The following RALYL variants were observed in gnomAD, a reference collection of about 807,000 sequenced individuals.
RALYL encodes RALY RNA binding protein like.
In RALYL, 29 loss-of-function variants were observed where a neutral mutation model predicts 35.1. That is an observed-to-expected ratio of 0.83 (90% confidence interval 0.61 to 1.13). RALYL has a LOEUF of 1.13. Among genes scored for constraint, RALYL ranks in the 50% most tolerant of loss-of-function variants. RALYL has a pLI of 0.00. For missense variants in RALYL, 359 were observed against 360.4 expected (o/e 1.00, Z 0.03); for synonymous variants, 120 against 127.6 (o/e 0.94, Z 0.40).
intron 1 of RALYL, among the ~76,000 whole-genome samples, chr8:84,390,782 A>T (rs1024310082): frequency 2.6e-5 from 4 of 151,912 alleles, no homozygotes; most frequent in Non-Finnish European, 5.9e-5. Flanking sequence ...GAGCCCATGG[A>T]AACGCAGGCA....
chr8:84,335,332 A>C (rs75806652), intron 1 of RALYL, among the ~76,000 whole-genome samples: 2 of 152,228 alleles, frequency 1.3e-5, no homozygotes, highest in African/African-American at 4.8e-5. Flanking sequence ...AAGCTGTCTC[A>C]GTCCATCAGC....
intron 1 of RALYL, among the ~76,000 whole-genome samples, chr8:84,432,556 G>T (rs1318545272): frequency 6.6e-6 from 1 of 152,116 alleles, no homozygotes; most frequent in East Asian, 1.9e-4. Context: ...GGGTTGAATT[G>T]TGTCCCCCAG....
intron 1 of RALYL, among the ~76,000 whole-genome samples, chr8:84,393,249 C>T (rs1445866496): frequency 7.9e-5 from 12 of 151,994 alleles, no homozygotes; most frequent in Admixed American, 7.9e-4. Flanking sequence ...AGGATCCGCT[C>T]CCACGCTCAC....
chr8:84,841,230 A>G (rs904608992), intron 4 of RALYL, among the ~76,000 whole-genome samples: 22 of 152,130 alleles, frequency 1.4e-4, no homozygotes, highest in Non-Finnish European at 2.5e-4. Flanking sequence ...CCCATCTCAC[A>G]TGCAGAGGCA....
intron 2 of RALYL, among the ~76,000 whole-genome samples, chr8:84,565,217 A>G (rs1436132160): frequency 1.3e-5 from 2 of 151,634 alleles, no homozygotes; most frequent in Non-Finnish European, 3.0e-5. Flanking sequence ...ATTAGCTAAT[A>G]CTATTTGAGT....
At chr8:84,581,289 A>G (rs1280498379) in intron 2 of RALYL, among the ~76,000 whole-genome samples, 1 of 152,186 alleles carries the variant, frequency 6.6e-6, no homozygotes, top group Non-Finnish European at 1.5e-5. Flanking sequence ...ATTTTAGAAC[A>G]TGTTTTACAA....
At chr8:84,593,561 T>C (rs1311104612) in intron 2 of RALYL, among the ~76,000 whole-genome samples, 1 of 152,112 alleles carries the variant, frequency 6.6e-6, no homozygotes, top group Non-Finnish European at 1.5e-5. Flanking sequence ...TTATAACATG[T>C]AGCCATGTGC....
At chr8:84,893,643 T>C (rs982354967) in intron 8 of RALYL, among the ~76,000 whole-genome samples, 15 of 152,166 alleles carry the variant, frequency 9.9e-5, no homozygotes, top group African/African-American at 3.6e-4. Flanking sequence ...TTGGTCAACT[T>C]ACACTCAATA....
chr8:84,669,474 T>TCC (rs1278810401), intron 2 of RALYL, among the ~76,000 whole-genome samples: 1 of 30,964 alleles, frequency 3.2e-5, no homozygotes, highest in Non-Finnish European at 7.3e-5. Flanking sequence ...GCCCACATCT[T>TCC]CTCCCTCCCC....
At chr8:84,677,227 T>A (rs146382849) in intron 2 of RALYL, among the ~76,000 whole-genome samples, 85 of 152,338 alleles carry the variant, frequency 5.6e-4, no homozygotes, top group Middle Eastern at 3.4e-3. Flanking sequence ...GTTGTCAATG[T>A]CCCAGATAAA....
At chr8:84,642,391 C>G (rs1826562607) in intron 2 of RALYL, among the ~76,000 whole-genome samples, 1 of 151,656 alleles carries the variant, frequency 6.6e-6, no homozygotes, top group African/African-American at 2.4e-5. Flanking sequence ...ACTCTTTTAC[C>G]TTTTTTTTCC....
chr8:84,266,251 T>A (rs1263351964), intron 1 of RALYL, among the ~76,000 whole-genome samples: 3 of 152,156 alleles, frequency 2.0e-5, no homozygotes, highest in Non-Finnish European at 4.4e-5. Flanking sequence ...CCTCTCACCT[T>A]CAATGTATTT....
intron 7 of RALYL, among the ~76,000 whole-genome samples, chr8:84,881,688 TA>T (rs1319915232): frequency 6.6e-6 from 1 of 151,966 alleles, no homozygotes; most frequent in Non-Finnish European, 1.5e-5. Context: ...CATGGTTTTT[TA>T]AAGCTTTAGG....
chr8:84,523,971 A>T (rs1421687753), intron 1 of RALYL, among the ~76,000 whole-genome samples: 1 of 152,096 alleles, frequency 6.6e-6, no homozygotes, highest in Non-Finnish European at 1.5e-5. Context: ...TGCTGCAATA[A>T]ACATACATGT....
At chr8:84,728,712 C>A (rs1397078666) in intron 2 of RALYL, among the ~76,000 whole-genome samples, 1 of 152,092 alleles carries the variant, frequency 6.6e-6, no homozygotes, top group Non-Finnish European at 1.5e-5. Flanking sequence ...GTTTTCCCAG[C>A]ACCATTTATT....
rs771303356 is a variant in RALYL at position 84,920,893 on chromosome 8, G to T, written c.859-1G>T. ...TTTAAAATTTTTTTTTATTTTCTCAGTTTCTACAGATAAAGTGATCTGAAA... is the reference window on the plus strand; with the variant it reads ...TTTAAAATTTTTTTTTATTTTCTCATTTTCTACAGATAAAGTGATCTGAAA... On this transcript the variant is annotated splice_acceptor_variant, in intron 8 of 8. Transcript: ENST00000521268. LOFTEE classifies it high-confidence loss of function. The T allele has an allele frequency of 3.9e-5, 54 of 1,398,360 alleles. No homozygotes were observed. Among genetic ancestry groups the T allele is most frequent in the Non-Finnish European group, 5.0e-5 (52 of 1,049,962 alleles). 86.6% of individuals were successfully genotyped at this position (1,398,360 alleles called of 1,614,324 possible).
chr8:84,910,083 G>A (rs1305030813), intron 8 of RALYL, among the ~76,000 whole-genome samples: 4 of 152,072 alleles, frequency 2.6e-5, no homozygotes, highest in Non-Finnish European at 5.9e-5. Context: ...ACAGTAGAGA[G>A]GCATCCAGGG....
At chr8:84,593,395 A>T (rs993829227) in intron 2 of RALYL, among the ~76,000 whole-genome samples, 1 of 152,086 alleles carries the variant, frequency 6.6e-6, no homozygotes, top group African/African-American at 2.4e-5. Context: ...AGAGTCCTGA[A>T]TAAAAAATCT....
chr8:84,850,141 T>C, intron 5 of RALYL, 114 bp downstream of exon 5: 1 of 502,902 alleles, frequency 2.0e-6, no homozygotes, highest in Non-Finnish European at 3.4e-6. Context: ...ATTATTATAG[T>C]TAAAAATAAA....
Sources: gnomAD v4.1 joint callset for allele counts (sites outside exome capture counted in the v4.1 genomes callset) on GRCh38, gnomAD v4.1.1 for gene constraint, MANE v1.5 for transcripts, NCBI Gene and HGNC (gene_info 2026-07-23, HGNC 2026-07-21) for gene names.